The following DNAH17 variants were observed in gnomAD, a reference collection of about 807,000 sequenced individuals.
DNAH17 encodes the protein dynein axonemal heavy chain 17.
DNAH17 carries 376 observed loss-of-function variants against 485.6 expected under a neutral mutation model. That is an observed-to-expected ratio of 0.77 (90% CI 0.71 to 0.84). The LOEUF (loss-of-function observed/expected upper bound fraction) is 0.84. Among genes scored for constraint, DNAH17 ranks in the 40% least tolerant of loss-of-function variants. DNAH17 has a pLI of 0.00. For missense variants in DNAH17, 6,370 were observed against 5,839.3 expected (o/e 1.09, Z -2.96); for synonymous variants, 3,031 against 2,405.9 (o/e 1.26, Z -7.60).
intron 22 of DNAH17, 90 bp downstream of exon 22, chr17:78,529,382 C>T (rs2091165854): frequency 7.9e-7 from 1 of 1,258,640 alleles, no homozygotes; most frequent in African/African-American, 1.5e-5. Context: ...CAGCATCCCC[C>T]ATGGTTGCGT....
intron 73 of DNAH17, among the ~76,000 whole-genome samples, 161 bp from the exon 74 acceptor site, chr17:78,438,029 T>C (rs942763691): frequency 1.3e-5 from 2 of 152,132 alleles, no homozygotes; most frequent in African/African-American, 4.8e-5. Context: ...CTGTCCACCC[T>C]AACCAGGTGC....
At position 78,451,481 on chromosome 17, in the gene DNAH17, C is replaced by T; in HGVS notation, c.10722G>A (p.Leu3574=). The change falls in exon 66 of 81, where the codon CTG becomes CTA. Residue 3574 remains leucine (L), a synonymous_variant. Transcript: ENST00000389840. ...TTCAGGCCATTACCTTCAGCTGTTC[C>T]AGATCTGGGCGCTCTTTGGCCACCA... ...AAVVAKERPD[L]EQLKANLTKS... 1 of 1,610,844 alleles carries T rather than the reference C, an allele frequency of 6.2e-7. No individual in the cohort carries two copies. The highest frequency in any genetic ancestry group is 8.5e-7 in the Non-Finnish European group (1 of 1,178,468).
Position 78,566,746 on chromosome 17 carries a change from A to T in DNAH17, c.1453-16T>A, listed in dbSNP as rs1406725906. On this transcript the variant is annotated splice_polypyrimidine_tract_variant and intron_variant, in intron 10 of 80. Coordinates refer to ENST00000389840, the MANE Select transcript of DNAH17 (RefSeq NM_173628.4). ...GGTCAAAATTCTAAAAGCAAATGGA[A>T]ATGTCAACCTTGTAATCAGCGTGCA... 3.2e-6 allele frequency: 5 copies of T among 1,569,532 alleles called. No individual in the cohort carries two copies. The highest frequency in any genetic ancestry group is 4.3e-6 in the Non-Finnish European group (5 of 1,152,832).
At chr17:78,464,055 G>C (rs1222875862) in intron 56 of DNAH17, among the ~76,000 whole-genome samples, 1 of 152,106 alleles carries the variant, frequency 6.6e-6, no homozygotes, top group African/African-American at 2.4e-5. Context: ...TAAAAACTAG[G>C]AAAAAGAGAA....
At chr17:78,471,407 AGT>A (rs1408234239) in intron 54 of DNAH17, among the ~76,000 whole-genome samples, 1 of 152,264 alleles carries the variant, frequency 6.6e-6, no homozygotes, top group Non-Finnish European at 1.5e-5. Context: ...TAAGGAGCGT[AGT>A]GTGAGAGCCA....
Position 78,450,740 on chromosome 17 carries a change from G to C in DNAH17, c.10841C>G (p.Thr3614Arg), listed in dbSNP as rs776901255. 1.2e-6 allele frequency: 2 copies of C among 1,614,012 alleles called. No individual in the cohort carries two copies. Among genetic ancestry groups the C allele is most frequent in the Non-Finnish European group, 1.7e-6 (2 of 1,179,894 alleles). The change falls in exon 67 of 81, where the codon ACG (threonine) becomes AGG (arginine). Residue 3614 changes from threonine to arginine, a missense_variant. Physicochemically the swap from Thr to Arg is moderately conservative, Grantham distance 71. Transcript: ENST00000389840. ...SAASGNFLGD[T>R]ALVENLETTK... ...GGTCTCCAGATTCTCCACCAAGGCC[G>C]TGTCTCCCAGAAAGTTCCCCGACGC...
intron 2 of DNAH17, among the ~76,000 whole-genome samples, chr17:78,573,780 G>A (rs1384051259): frequency 2.6e-5 from 4 of 151,034 alleles, no homozygotes; most frequent in East Asian, 3.9e-4. Flanking sequence ...CAACCCCGCC[G>A]ACACCTTCAA....
intron 14 of DNAH17, among the ~76,000 whole-genome samples, chr17:78,556,205 A>G (rs2092019268): frequency 6.6e-6 from 1 of 151,992 alleles, no homozygotes; most frequent in Admixed American, 6.5e-5. Context: ...CTATCTCTCT[A>G]GCTACCGATC....
chr17:78,495,748 C>T, intron 38 of DNAH17, 127 bp downstream of exon 38: 2 of 1,187,534 alleles, frequency 1.7e-6, no homozygotes, highest in South Asian at 3.4e-5. Flanking sequence ...ATCTTGGGAG[C>T]TTTTGATGAC....
At chr17:78,459,339 C>T in intron 60 of DNAH17, 131 bp from the exon 61 acceptor site, 1 of 908,080 alleles carries the variant, frequency 1.1e-6, no homozygotes, top group South Asian at 1.5e-5. Flanking sequence ...CACAGTCAGG[C>T]TGGCCCTAGA....
chr17:78,488,099 G>T (rs960090520), intron 44 of DNAH17, among the ~76,000 whole-genome samples: 2 of 152,244 alleles, frequency 1.3e-5, no homozygotes, highest in Admixed American at 6.5e-5. Context: ...CTACTTTGAA[G>T]ATGTTTGTGT....
intron 48 of DNAH17, 97 bp downstream of exon 48, chr17:78,484,771 T>G: frequency 5.6e-6 from 1 of 179,800 alleles, no homozygotes; most frequent in East Asian, 2.1e-4. Context: ...AGTCCTGCCC[T>G]ACTGCCCTGG....
chr17:78,540,098 T>G (rs1286185995), intron 17 of DNAH17, among the ~76,000 whole-genome samples: 1 of 152,136 alleles, frequency 6.6e-6, no homozygotes, highest in Non-Finnish European at 1.5e-5. Context: ...TCTTTTTGAT[T>G]TCAGCTCAAA....
Position 78,454,462 on chromosome 17 carries a change from G to C in DNAH17, c.10406+8C>G, listed in dbSNP as rs747100351. On this transcript the variant is annotated splice_region_variant and intron_variant, in intron 64 of 80. Coordinates refer to ENST00000389840, the MANE Select transcript of DNAH17 (RefSeq NM_173628.4). ...GGGCTTCGGCCCAGGTCCTGCGCCC[G>C]CACACACCTCTTCTGTCCCAGGCGG... The C allele has an allele frequency of 1.2e-6, 2 of 1,605,738 alleles. No individual in the cohort carries two copies. The highest frequency in any genetic ancestry group is 1.1e-5 in the South Asian group (1 of 89,788).
At chr17:78,481,107 CT>C (rs34712569) in intron 48 of DNAH17, among the ~76,000 whole-genome samples, 94 of 129,328 alleles carry the variant, frequency 7.3e-4, no homozygotes, top group Non-Finnish European at 1.1e-3. Context: ...CATCCCCCGG[CT>C]TTTTTTTTTT....
Position 78,501,868 on chromosome 17 carries a change from G to T in DNAH17, c.5196C>A (p.Ser1732Arg), listed in dbSNP as rs765697545. 2.3e-5 allele frequency: 37 copies of T among 1,613,868 alleles called. No individual in the cohort carries two copies. In the East Asian group the frequency reaches 7.8e-4, roughly 34 times the overall value. ...AIRDYNKKQI[S>R]QLNVLITLLM... The stretch of plus-strand genomic sequence containing the variant: ...GCAGCGTGATGAGTACGTTCAGCTG[G>T]CTAATCTGCGGGGGAGAGTGCCTTC... The change falls in exon 34 of 81, where the codon AGC (serine) becomes AGA (arginine). Residue 1732 changes from serine to arginine, a missense_variant. Physicochemically the swap from Ser to Arg is moderately radical, Grantham distance 110 (BLOSUM62 -1). Coordinates refer to ENST00000389840, the MANE Select transcript of DNAH17 (RefSeq NM_173628.4).
At position 78,484,298 on chromosome 17, in the gene DNAH17, C is replaced by T. The variant is rs898199914; in HGVS notation, c.7649+570G>A. Among the ~76,000 whole-genome samples the T allele has an allele frequency of 1.6e-4, 25 of 152,036 alleles. 1 individual carries two copies. In the South Asian group the frequency reaches 4.6e-3, roughly 28 times the overall value. On this transcript the variant is annotated intron_variant, in intron 48 of 80. Coordinates refer to ENST00000389840, the MANE Select transcript of DNAH17 (RefSeq NM_173628.4). ...GGCTCTCACATCCTTGCCACACCGG[C>T]CTTCCTGGGCTTCTTCACGTGTGGC...
Position 78,510,397 on chromosome 17 carries a change from G to GACTC in DNAH17, c.4219_4222dup (p.Ser1408Ter), listed in dbSNP as rs1568177747. 2 of 1,612,786 alleles carry GACTC rather than the reference G, an allele frequency of 1.2e-6. No homozygotes were observed. The highest frequency in any genetic ancestry group is 3.3e-5 in the Admixed American group (2 of 60,006). On this transcript the variant is annotated stop_gained and frameshift_variant, in exon 27 of 81. Transcript: ENST00000389840. LOFTEE classifies it high-confidence loss of function. ...AGCACGGCCTACCTTTTCCATGCCC[G>GACTC]ACTCCTTCACGGCCTTGTCCACGAT...
intron 9 of DNAH17, 26 bp from the exon 10 acceptor site, chr17:78,567,192 A>G: frequency 6.4e-7 from 1 of 1,574,024 alleles, no homozygotes; most frequent in Non-Finnish European, 8.6e-7. Context: ...AACACAGTCA[A>G]TTCATCTTCA....
Sources: gnomAD v4.1 joint callset for allele counts (sites outside exome capture counted in the v4.1 genomes callset) on GRCh38, gnomAD v4.1.1 for gene constraint, MANE v1.5 for transcripts, NCBI Gene and HGNC (gene_info 2026-07-23, HGNC 2026-07-21) for gene names.